The following SIPA1L3 variants were observed in gnomAD, a reference collection of about 807,000 sequenced individuals.
The protein encoded by SIPA1L3 is signal induced proliferation associated 1 like 3.
In SIPA1L3, 59 loss-of-function variants were observed where a neutral mutation model predicts 150.1. The observed-to-expected ratio is 0.39, with a 90% CI of 0.32 to 0.49. The LOEUF (loss-of-function observed/expected upper bound fraction) is 0.49, where lower values mean the gene tolerates loss of function less well. SIPA1L3 is among the 20% of genes least tolerant of loss of function. The pLI, the probability that SIPA1L3 is intolerant of heterozygous loss-of-function variation, is 0.86. For synonymous variants in SIPA1L3, 1,070 were observed against 1,077.6 expected (o/e 0.99, Z 0.14); for missense variants, 2,211 against 2,489.5 (o/e 0.89, Z 2.38).
At chr19:38,102,360 T>C (rs1217779456) in intron 6 of SIPA1L3, among the ~76,000 whole-genome samples, 1 of 151,832 alleles carries the variant, frequency 6.6e-6, no homozygotes, top group Non-Finnish European at 1.5e-5. Context: ...TTATTTTTTA[T>C]AGAGACAAGG....
At chr19:37,926,998 G>A (rs937279255) in intron 1 of SIPA1L3, among the ~76,000 whole-genome samples, 10 of 151,940 alleles carry the variant, frequency 6.6e-5, no homozygotes, top group African/African-American at 2.2e-4. Flanking sequence ...GCTAAAAAAA[G>A]GTGGTGGCAT....
intron 9 of SIPA1L3, among the ~76,000 whole-genome samples, chr19:38,128,961 T>C (rs1300385665): frequency 6.6e-6 from 1 of 152,120 alleles, no homozygotes; most frequent in Non-Finnish European, 1.5e-5. Flanking sequence ...GGCATCCTGA[T>C]AGGTATGTTA....
In SIPA1L3 at chr19:37,996,854, G is replaced by A. The variant is rs10420885; in HGVS notation, c.-378-32235G>A. ...TGGGATTACAGGCACCCACTACGAC[G>A]CCCAGCTAATTTTTGTATTTTTAGT... is the stretch of plus-strand genomic sequence containing the variant. On this transcript the variant is annotated intron_variant, in intron 1 of 21. Transcript: ENST00000222345. Among the ~76,000 whole-genome samples the A allele has an allele frequency of 9.7e-3, 1,471 of 152,056 alleles. 22 individuals are homozygous for A. The highest frequency in any genetic ancestry group is 0.033 in the African/African-American group (1,364 of 41,472).
chr19:38,103,523 G>A (rs986112622), intron 6 of SIPA1L3, among the ~76,000 whole-genome samples: 3 of 151,746 alleles, frequency 2.0e-5, no homozygotes, highest in Non-Finnish European at 2.9e-5. Flanking sequence ...AGCTACTTGG[G>A]AAGCTGAGGC....
intron 3 of SIPA1L3, among the ~76,000 whole-genome samples, chr19:38,086,788 G>A (rs190038684): frequency 5.9e-5 from 9 of 152,332 alleles, no homozygotes; most frequent in Admixed American, 1.3e-4. Flanking sequence ...TGGCAGTAGG[G>A]AAGAGAGATT....
chr19:38,153,054 T>G, intron 13 of SIPA1L3, 87 bp downstream of exon 13: 1 of 1,474,492 alleles, frequency 6.8e-7, no homozygotes, highest in Non-Finnish European at 9.1e-7. Context: ...ACACTCCCCC[T>G]CTTGTGAGTG....
At chr19:38,177,494 G>A (rs1263495395) in intron 15 of SIPA1L3, among the ~76,000 whole-genome samples, 1 of 151,936 alleles carries the variant, frequency 6.6e-6, no homozygotes, top group Non-Finnish European at 1.5e-5. Flanking sequence ...GCAATTTAGT[G>A]AGACCCCATT....
intron 1 of SIPA1L3, among the ~76,000 whole-genome samples, chr19:37,915,109 T>G (rs1185036343): frequency 6.6e-6 from 1 of 152,148 alleles, no homozygotes; most frequent in Non-Finnish European, 1.5e-5. Context: ...TAGTACCTAA[T>G]TGATGTGGCA....
At chr19:38,122,176 G>A (rs892987556) in intron 9 of SIPA1L3, among the ~76,000 whole-genome samples, 8 of 151,296 alleles carry the variant, frequency 5.3e-5, no homozygotes, top group Non-Finnish European at 1.0e-4. Flanking sequence ...AGCTGAGAGT[G>A]AGCCACTGCA....
intron 2 of SIPA1L3, among the ~76,000 whole-genome samples, chr19:38,036,490 G>T (rs1968790807): frequency 6.6e-6 from 1 of 152,184 alleles, no homozygotes; most frequent in African/African-American, 2.4e-5. Context: ...CATTTCATCT[G>T]CCCCCTCAGG....
chr19:38,031,181 A>G (rs1262754996), intron 2 of SIPA1L3, among the ~76,000 whole-genome samples: 2 of 152,226 alleles, frequency 1.3e-5, no homozygotes, highest in East Asian at 1.9e-4. Context: ...AAATGGTTAC[A>G]AAGTTCACAT....
At chr19:37,960,382 G>A (rs1298821721) in intron 1 of SIPA1L3, among the ~76,000 whole-genome samples, 1 of 151,552 alleles carries the variant, frequency 6.6e-6, no homozygotes, top group Admixed American at 6.6e-5. Flanking sequence ...GACTATAGGT[G>A]CGCGCCACCA....
chr19:38,066,297 C>T (rs1969590297), intron 2 of SIPA1L3, among the ~76,000 whole-genome samples: 2 of 152,144 alleles, frequency 1.3e-5, no homozygotes, highest in South Asian at 4.1e-4. Flanking sequence ...AAATTGATTA[C>T]AGGCCTGAGC....
intron 3 of SIPA1L3, among the ~76,000 whole-genome samples, chr19:38,084,105 G>A (rs992061801): frequency 2.0e-5 from 3 of 148,768 alleles, no homozygotes; most frequent in Non-Finnish European, 2.9e-5. Flanking sequence ...GCCCAGGGCT[G>A]GTATGGTCAG....
At chr19:37,959,966 T>C (rs2046843060) in intron 1 of SIPA1L3, among the ~76,000 whole-genome samples, 1 of 152,128 alleles carries the variant, frequency 6.6e-6, no homozygotes, top group Non-Finnish European at 1.5e-5. Flanking sequence ...CCCTCTTTTG[T>C]GTTATTATTG....
intron 1 of SIPA1L3, among the ~76,000 whole-genome samples, chr19:37,968,617 C>G (rs2046926786): frequency 1.3e-5 from 2 of 152,156 alleles, no homozygotes; most frequent in South Asian, 2.1e-4. Context: ...CCAGGGATAA[C>G]CTGCTTTAGG....
At chr19:38,148,224 G>A (rs770113561) in intron 12 of SIPA1L3, among the ~76,000 whole-genome samples, 7 of 151,820 alleles carry the variant, frequency 4.6e-5, no homozygotes, top group Non-Finnish European at 7.4e-5. Context: ...GGTGGCAGGC[G>A]CCTGTAGTCC....
intron 10 of SIPA1L3, among the ~76,000 whole-genome samples, chr19:38,139,746 T>C (rs1971526981): frequency 1.3e-5 from 2 of 152,138 alleles, no homozygotes; most frequent in South Asian, 4.1e-4. Flanking sequence ...AGAACAGACA[T>C]ACATTTCTCA....
At position 37,945,240 on chromosome 19, in the gene SIPA1L3, G is replaced by T. The variant is rs76656634; in HGVS notation, c.-379+37882G>T. On this transcript the variant is annotated intron_variant, in intron 1 of 21. Transcript: ENST00000222345. Reference sequence around the variant, plus strand: ...ACTGTCTGTACTCATGTCTTAGGTTGTTTTTTTTTTTGAGACAGAGTCAAA... The same window carrying T: ...ACTGTCTGTACTCATGTCTTAGGTTTTTTTTTTTTTTGAGACAGAGTCAAA... Among the ~76,000 whole-genome samples, 752 of 145,290 alleles carry T rather than the reference G, an allele frequency of 5.2e-3. 8 individuals carry two copies. Among genetic ancestry groups the T allele is most frequent in the African/African-American group, 0.016 (643 of 39,938 alleles).
Sources: gnomAD v4.1 joint callset for allele counts (sites outside exome capture counted in the v4.1 genomes callset) on GRCh38, gnomAD v4.1.1 for gene constraint, MANE v1.5 for transcripts, NCBI Gene and HGNC (gene_info 2026-07-23, HGNC 2026-07-21) for gene names.